TLL1: variants seen among roughly 807,000 people sequenced by gnomAD.
The protein encoded by TLL1 is tolloid-like protein 1.
TLL1 carries 49 observed loss-of-function variants against 128.2 expected under a neutral mutation model. The ratio of observed to expected loss-of-function variants is 0.38; its 90% CI spans 0.30 to 0.48. The LOEUF is 0.48. TLL1 is among the 20% of genes least tolerant of loss of function. The pLI, the probability that TLL1 is intolerant of heterozygous loss-of-function variation, is 0.96. For missense variants in TLL1, 1,123 were observed against 1,242.0 expected, an observed-to-expected ratio of 0.90 and a Z score of 1.44; for synonymous variants, 454 against 418.8, an observed-to-expected ratio of 1.08 and a Z score of -1.03.
chr4:166,095,649 A>G (rs1741983392), intron 19 of TLL1, among the ~76,000 whole-genome samples: 1 of 152,110 alleles, frequency 6.6e-6, no homozygotes, highest in Non-Finnish European at 1.5e-5. Flanking sequence ...CACTAAAAGC[A>G]TTTATAGGTC....
intron 13 of TLL1, among the ~76,000 whole-genome samples, chr4:166,055,925 G>A (rs192826063): frequency 2.2e-4 from 33 of 152,004 alleles, no homozygotes; most frequent in African/African-American, 7.7e-4. Context: ...ATTTTTCTAT[G>A]GGAAGAGAAA....
At chr4:166,095,840 C>A (rs987785) in intron 19 of TLL1, among the ~76,000 whole-genome samples, 147,872 of 152,214 alleles carry the variant, frequency 0.97, 71,973 homozygotes, top group East Asian at 1. Context: ...TCTTTAGTTG[C>A]TGTAAAAATG....
At position 166,099,651 on chromosome 4, in the gene TLL1, T is replaced by C; in HGVS notation, c.2907+124T>C. 4 of 1,263,288 alleles carry C rather than the reference T, an allele frequency of 3.2e-6. No homozygotes were observed. The Admixed American group carries it at 6.1e-5, about 19-fold the overall frequency. 78.3% of individuals were successfully genotyped at this position (1,263,288 alleles called of 1,614,324 possible). A position where few individuals can be genotyped will look rare whatever the true frequency, so the allele number is the denominator to read the frequency against. On this transcript the variant is annotated intron_variant, in intron 20 of 20. Transcript: ENST00000061240. ...CAAAAAAAAAAAAAAAAGGCTACAT[T>C]GTATTATAAATGGCTTGACAAAATA...
At chr4:166,080,736 G>T (rs1741250095) in intron 18 of TLL1, among the ~76,000 whole-genome samples, 1 of 152,160 alleles carries the variant, frequency 6.6e-6, no homozygotes, top group Non-Finnish European at 1.5e-5. Flanking sequence ...ATTAAGCCAA[G>T]ATTGGGTTTT....
chr4:165,975,661 G>T (rs909664278), intron 1 of TLL1, among the ~76,000 whole-genome samples: 8 of 151,922 alleles, frequency 5.3e-5, no homozygotes, highest in African/African-American at 1.9e-4. Context: ...GGAACTAAGG[G>T]GTTTCTTTGA....
intron 1 of TLL1, among the ~76,000 whole-genome samples, chr4:165,891,257 A>G (rs28792184): frequency 0.031 from 4,768 of 152,082 alleles, 204 homozygotes; most frequent in East Asian, 0.13. Context: ...CATTTTCCCC[A>G]TTGTCTTGGA....
At position 165,994,475 on chromosome 4, in the gene TLL1, A is replaced by G. The variant is rs1475399756; in HGVS notation, c.456A>G (p.Arg152=). The change falls in exon 4 of 21, where the codon AGA becomes AGG. Residue 152 remains arginine, a synonymous_variant. Transcript: ENST00000061240. ...GAGTTCCCAGAGCCGCTACATCAAG[A>G]ACGGAAAGAATATGGCCTGGAGGCG... ...KNRVPRAATS[R]TERIWPGGVI... is the part of the protein sequence containing the mutation. The G allele has an allele frequency of 6.2e-7, 1 of 1,614,082 alleles. No individual in the cohort carries two copies. Among genetic ancestry groups the G allele is most frequent in the Non-Finnish European group, 8.5e-7 (1 of 1,179,976 alleles).
intron 1 of TLL1, among the ~76,000 whole-genome samples, chr4:165,959,146 G>A (rs1734963208): frequency 6.6e-6 from 1 of 151,986 alleles, no homozygotes; most frequent in Admixed American, 6.6e-5. Flanking sequence ...CAGGTAGCAT[G>A]ATGCCTCCGG....
chr4:166,007,357 G>A (rs1737486618), intron 6 of TLL1, among the ~76,000 whole-genome samples: 2 of 151,874 alleles, frequency 1.3e-5, no homozygotes, highest in South Asian at 4.1e-4. Flanking sequence ...TCTCAAAGGA[G>A]AACTGCCTTT....
chr4:165,890,695 C>T (rs1731361574), intron 1 of TLL1, among the ~76,000 whole-genome samples: 1 of 152,192 alleles, frequency 6.6e-6, no homozygotes, highest in African/African-American at 2.4e-5. Context: ...TTGCTGGGTA[C>T]AGCTTCTCTC....
chr4:166,084,272 T>A (rs538126241), intron 18 of TLL1, among the ~76,000 whole-genome samples: 1 of 152,278 alleles, frequency 6.6e-6, no homozygotes, highest in African/African-American at 2.4e-5. Context: ...TCCTTTTATA[T>A]TTTGGATATT....
intron 1 of TLL1, among the ~76,000 whole-genome samples, chr4:165,946,689 C>T (rs180792272): frequency 6.6e-5 from 10 of 152,062 alleles, no homozygotes; most frequent in East Asian, 5.8e-4. Flanking sequence ...TGCATATTTT[C>T]GTTTCTGAAG....
At position 165,979,336 on chromosome 4, in the gene TLL1, G is replaced by A. The variant is rs1279928330; in HGVS notation, c.170-10045G>A. Among the ~76,000 whole-genome samples the A allele has an allele frequency of 3.9e-5, 6 of 152,082 alleles. No homozygotes were observed. The East Asian group carries it at 1.2e-3, about 29-fold the overall frequency. The stretch of plus-strand genomic sequence containing the variant: ...ATTCGTATAAAAGACTAACTTAGAA[G>A]TTAAGAAAAGCTGTAGTCAAATGTG... On this transcript the variant is annotated intron_variant, in intron 1 of 20. Coordinates refer to ENST00000061240, the MANE Select transcript of TLL1 (RefSeq NM_012464.5).
At chr4:165,981,624 G>C (rs1195632133) in intron 1 of TLL1, among the ~76,000 whole-genome samples, 1 of 151,994 alleles carries the variant, frequency 6.6e-6, no homozygotes. Context: ...TATTTACTTA[G>C]TATTCATGTG....
intron 1 of TLL1, among the ~76,000 whole-genome samples, chr4:165,941,722 C>T (rs1030903280): frequency 2.0e-5 from 3 of 152,092 alleles, no homozygotes; most frequent in Non-Finnish European, 4.4e-5. Context: ...AGCACTCCCA[C>T]ATACAAGGAC....
intron 8 of TLL1, among the ~76,000 whole-genome samples, chr4:166,016,568 C>G (rs1274978862): frequency 6.6e-6 from 1 of 151,890 alleles, no homozygotes; most frequent in African/African-American, 2.4e-5. Context: ...ATAGTTTCTA[C>G]TTTAGATTTC....
At chr4:166,067,778 A>G (rs1428038465) in intron 16 of TLL1, among the ~76,000 whole-genome samples, 3 of 151,806 alleles carry the variant, frequency 2.0e-5, no homozygotes, top group African/African-American at 7.2e-5. Context: ...AATGAAGTTC[A>G]TGAAGAAATT....
intron 1 of TLL1, among the ~76,000 whole-genome samples, chr4:165,908,072 A>G (rs1732353925): frequency 6.6e-6 from 1 of 152,202 alleles, no homozygotes; most frequent in Non-Finnish European, 1.5e-5. Flanking sequence ...AATACTAAAT[A>G]TTTCTCTGGC....
chr4:165,906,376 C>T (rs1732256600), intron 1 of TLL1, among the ~76,000 whole-genome samples: 1 of 152,020 alleles, frequency 6.6e-6, no homozygotes, highest in African/African-American at 2.4e-5. Context: ...GTTCCAATAC[C>T]AATTTAACAT....
Sources: gnomAD v4.1 joint callset for allele counts (sites outside exome capture counted in the v4.1 genomes callset) on GRCh38, gnomAD v4.1.1 for gene constraint, MANE v1.5 for transcripts, NCBI Gene and HGNC (gene_info 2026-07-23, HGNC 2026-07-21) for gene names.